The following ADAMTS2 variants were observed in gnomAD, a reference collection of about 807,000 sequenced individuals.
ADAMTS2 encodes the protein A disintegrin and metalloproteinase with thrombospondin motifs 2.
ADAMTS2 carries 50 observed loss-of-function variants against 123.0 expected under a neutral mutation model. The ratio of observed to expected loss-of-function variants is 0.41; its 90% CI spans 0.32 to 0.51. The LOEUF is 0.51. Among genes scored for constraint, ADAMTS2 ranks in the 20% least tolerant of loss-of-function variants. The pLI is 0.35. For missense variants in ADAMTS2, 1,494 were observed against 1,705.2 expected (o/e 0.88, Z 2.18); for synonymous variants, 678 against 695.4 (o/e 0.98, Z 0.39).
At position 179,160,998 on chromosome 5, in the gene ADAMTS2, C is replaced by T. The variant is rs556057485; in HGVS notation, c.976-2119G>A. 1.4e-3 allele frequency among the ~76,000 whole-genome samples: 206 copies of T among 152,286 alleles called. 1 individual carries two copies. The highest frequency in any genetic ancestry group is 3.4e-3 in the Middle Eastern group (1 of 294). ...CTAGGACCTGAGTGACGATGAGACC[C>T]GAATCCTCCGCCAACCCACATTGAA... On this transcript the variant is annotated intron_variant, in intron 5 of 21. Coordinates refer to ENST00000251582, the MANE Select transcript of ADAMTS2 (RefSeq NM_014244.5).
intron 2 of ADAMTS2, among the ~76,000 whole-genome samples, chr5:179,305,861 T>C (rs988665151): frequency 1.3e-5 from 2 of 152,152 alleles, no homozygotes; most frequent in African/African-American, 4.8e-5. Flanking sequence ...TCTATGCATA[T>C]AAATCCATCA....
chr5:179,178,376 A>G (rs368999112), intron 5 of ADAMTS2, among the ~76,000 whole-genome samples: 4 of 152,306 alleles, frequency 2.6e-5, no homozygotes, highest in African/African-American at 9.6e-5. Context: ...AACCTGGGAT[A>G]GAGGGCTCAG....
intron 2 of ADAMTS2, among the ~76,000 whole-genome samples, chr5:179,335,019 A>C (rs540981737): frequency 1.3e-5 from 2 of 152,248 alleles, no homozygotes; most frequent in South Asian, 4.1e-4. Context: ...TTAATTTACT[A>C]TCAATCAAAT....
intron 5 of ADAMTS2, among the ~76,000 whole-genome samples, chr5:179,176,178 T>C (rs2113301725): frequency 6.6e-6 from 1 of 152,214 alleles, no homozygotes; most frequent in Middle Eastern, 3.2e-3. Flanking sequence ...ATCTTGGTTG[T>C]CCTGTTGCCC....
In ADAMTS2 at chr5:179,155,189, C is replaced by T. The variant is rs1486702274; in HGVS notation, c.1133-270G>A. On this transcript the variant is annotated intron_variant, in intron 6 of 21. Transcript: ENST00000251582. The surrounding 1 kb of genome is among the most constrained non-coding windows in gnomAD (Gnocchi z 5.1). ...GCCACACTGCAGCTGGGGCCCTCTG[C>T]TTAGTCAGATGTCACCTGCTATGGC... is the stretch of plus-strand genomic sequence containing the variant. Among the ~76,000 whole-genome samples the T allele has an allele frequency of 6.6e-6, 1 of 152,234 alleles. No homozygotes were observed. The highest frequency in any genetic ancestry group is 6.5e-5 in the Admixed American group (1 of 15,286).
chr5:179,251,859 T>A (rs995730059), intron 3 of ADAMTS2, among the ~76,000 whole-genome samples: 6 of 152,056 alleles, frequency 3.9e-5, no homozygotes, highest in Non-Finnish European at 5.9e-5. Context: ...ACTTTTTTTT[T>A]AATGCAGAGA....
Position 179,162,237 on chromosome 5 carries a change from T to A in ADAMTS2, c.976-3358A>T, listed in dbSNP as rs544957078. 6.6e-6 allele frequency among the ~76,000 whole-genome samples: 1 copy of A among 152,160 alleles called. No homozygotes were observed. Among genetic ancestry groups the A allele is most frequent in the East Asian group, 1.9e-4 (1 of 5,152 alleles). On this transcript the variant is annotated intron_variant, in intron 5 of 21. Transcript: ENST00000251582. This position sits in a 1 kb window ranked among gnomAD's most constrained non-coding sequence, Gnocchi z 5.1. Reference sequence around the variant, plus strand: ...GAAACTTCCCCTCCTTTAATCTGAGTCAGACCCCAGGCTTCAGGGGCAGGC... The same window carrying A: ...GAAACTTCCCCTCCTTTAATCTGAGACAGACCCCAGGCTTCAGGGGCAGGC...
chr5:179,222,478 G>A (rs1459671787), intron 3 of ADAMTS2, among the ~76,000 whole-genome samples: 1 of 152,212 alleles, frequency 6.6e-6, no homozygotes, highest in Non-Finnish European at 1.5e-5. Flanking sequence ...GGGCCACCCT[G>A]CCTGCAGAGA....
At chr5:179,152,787 G>A (rs1216626571) in intron 9 of ADAMTS2, among the ~76,000 whole-genome samples, 1 of 152,074 alleles carries the variant, frequency 6.6e-6, no homozygotes, top group Non-Finnish European at 1.5e-5. Context: ...AGCCCCCATC[G>A]CCATGAGAAT....
chr5:179,310,515 A>T (rs11738729), intron 2 of ADAMTS2, among the ~76,000 whole-genome samples: 9,306 of 152,208 alleles, frequency 0.061, 313 homozygotes, highest in African/African-American at 0.079. Context: ...TCCACAGAAG[A>T]ATCTGATTGG....
At chr5:179,200,244 CTTTTT>C (rs1051856642) in intron 4 of ADAMTS2, among the ~76,000 whole-genome samples, 1 of 103,692 alleles carries the variant, frequency 9.6e-6, no homozygotes, top group Non-Finnish European at 1.8e-5. Flanking sequence ...CCTTTCTTTC[CTTTTT>C]TTTTTTTTTT....
chr5:179,182,911 C>T (rs76539691), intron 4 of ADAMTS2, among the ~76,000 whole-genome samples: 287 of 152,230 alleles, frequency 1.9e-3, no homozygotes, highest in African/African-American at 6.6e-3. Flanking sequence ...GATGGAGCTC[C>T]GAGGAGGGCA....
chr5:179,181,226 G>T lies in ADAMTS2; in HGVS notation c.892-71C>A. ...CTGGCTCTGGCTCTGCCAATGGGAT[G>T]ACCCCCACCTGCTCCTTCTTCTTCC... is the stretch of plus-strand genomic sequence containing the variant. On this transcript the variant is annotated intron_variant, in intron 4 of 21. Coordinates refer to ENST00000251582, the MANE Select transcript of ADAMTS2 (RefSeq NM_014244.5). This position sits in a 1 kb window ranked among gnomAD's most constrained non-coding sequence, Gnocchi z 4.1. The T allele has an allele frequency of 9.2e-7, 1 of 1,085,326 alleles. No individual in the cohort carries two copies. The highest frequency in any genetic ancestry group is 1.4e-6 in the Non-Finnish European group (1 of 701,358). The allele number at this position is 1,085,326 out of a possible 1,614,324, so 67.2% of individuals were successfully genotyped here.
Position 179,129,241 on chromosome 5 carries a change from G to A in ADAMTS2, c.2457+691C>T, listed in dbSNP as rs1184244677. On this transcript the variant is annotated intron_variant, in intron 16 of 21. Transcript: ENST00000251582. The surrounding 1 kb of genome is among the most constrained non-coding windows in gnomAD (Gnocchi z 4.1). ...AGGCAGGGTGCCAGGGGGTACACGG[G>A]GCATACCTGGCTCACTGCTGCACCT... Among the ~76,000 whole-genome samples, 1 of 152,114 alleles carries A rather than the reference G, an allele frequency of 6.6e-6. No individual in the cohort carries two copies. The highest frequency in any genetic ancestry group is 1.5e-5 in the Non-Finnish European group (1 of 68,026).
At position 179,113,998 on chromosome 5, in the gene ADAMTS2, C is replaced by T. The variant is rs1178738916; in HGVS notation, c.3505G>A (p.Gly1169Ser). Reference protein sequence around the residue: ...NAVDEPYKIHGLEDEVQPPNL... With the variant: ...NAVDEPYKIHSLEDEVQPPNL... ...GGTGGCTGGACTTCATCTTCCAGGC[C>T]ATGGATTTTGTAGGGTTCATCTACG... The change falls in exon 22 of 22, where the codon GGC becomes AGC. Residue 1169 changes from glycine (G) to serine (S), a missense_variant. Coordinates refer to ENST00000251582, the MANE Select transcript of ADAMTS2 (RefSeq NM_014244.5). The T allele has an allele frequency of 6.2e-7, 1 of 1,614,086 alleles. No homozygotes were observed. Among genetic ancestry groups the T allele is most frequent in the East Asian group, 2.2e-5 (1 of 44,880 alleles).
At position 179,111,760 on chromosome 5, in the gene ADAMTS2, G is replaced by A. The variant is rs910803824; in HGVS notation, c.*2107C>T. 7.2e-5 allele frequency: 11 copies of A among 152,258 alleles called. No homozygotes were observed. The highest frequency in any genetic ancestry group is 1.5e-4 in the Non-Finnish European group (10 of 68,052). 9.4% of individuals were successfully genotyped at this position (152,258 alleles called of 1,614,324 possible). ...CCTCCACATCCTAGGACAGACCCAA[G>A]TAAGAACTGCCCAGTTCTTCAGCCT... On this transcript the variant is annotated 3_prime_UTR_variant, in exon 22 of 22. Coordinates refer to ENST00000251582, the MANE Select transcript of ADAMTS2 (RefSeq NM_014244.5).
At chr5:179,133,040 T>C (rs1051250825) in intron 13 of ADAMTS2, 140 bp from the exon 14 acceptor site, 5 of 1,138,064 alleles carry the variant, frequency 4.4e-6, no homozygotes, top group South Asian at 1.3e-5. Flanking sequence ...ATTACAGGCG[T>C]GAACCACCTT....
At chr5:179,121,550 A>G in intron 21 of ADAMTS2, 111 bp downstream of exon 21, 1 of 867,852 alleles carries the variant, frequency 1.2e-6, no homozygotes, top group East Asian at 2.8e-5. Context: ...GCGCGCCCGC[A>G]GAGTCAGGGG....
intron 5 of ADAMTS2, among the ~76,000 whole-genome samples, chr5:179,172,169 C>T (rs35884442): frequency 0.076 from 11,573 of 152,268 alleles, 451 homozygotes; most frequent in East Asian, 0.14. Flanking sequence ...GTACCTGGGT[C>T]GCAGAAGTTG....
Sources: gnomAD v4.1 joint callset for allele counts (sites outside exome capture counted in the v4.1 genomes callset) on GRCh38, gnomAD v4.1.1 for gene constraint, Gnocchi (gnomAD v3.1) non-coding constraint, MANE v1.5 for transcripts, NCBI Gene and HGNC (gene_info 2026-07-23, HGNC 2026-07-21) for gene names.